GRIK4: variants seen among roughly 807,000 people sequenced by gnomAD.
The protein encoded by GRIK4 is glutamate receptor ionotropic, kainate 4.
Under a neutral mutation model 104.9 loss-of-function variants are expected in GRIK4, and 40 were observed. That is an observed-to-expected ratio of 0.38 (90% CI 0.30 to 0.50). The LOEUF (loss-of-function observed/expected upper bound fraction) is 0.50, where lower values mean the gene tolerates loss of function less well. Ranked by LOEUF, GRIK4 falls within the 20% of genes least tolerant of loss-of-function variation. The pLI is 0.93. For missense variants in GRIK4, 1,047 were observed against 1,308.1 expected, an observed-to-expected ratio of 0.80 and a Z score of 3.08; for synonymous variants, 485 against 524.9, an observed-to-expected ratio of 0.92 and a Z score of 1.04.
In GRIK4 at chr11:120,905,183, T is replaced by C. The variant is rs1942838456; in HGVS notation, c.1273-107T>C. ...CCATTACCCACGTCAGTTTCCTCCT[T>C]CTGCCCCATGTCCTCCCCGACCCTC... On this transcript the variant is annotated intron_variant, in intron 12 of 20. Coordinates refer to ENST00000527524, the MANE Select transcript of GRIK4 (RefSeq NM_014619.5). This position sits in a 1 kb window ranked among gnomAD's most constrained non-coding sequence, Gnocchi z 5.1. 3 of 803,412 alleles carry C rather than the reference T, an allele frequency of 3.7e-6. No individual in the cohort carries two copies. The highest frequency in any genetic ancestry group is 1.7e-5 in the Admixed American group (1 of 57,884). 49.8% of individuals were successfully genotyped at this position (803,412 alleles called of 1,614,324 possible). A position where few individuals can be genotyped will look rare whatever the true frequency, so the allele number is the denominator to read the frequency against.
intron 1 of GRIK4, among the ~76,000 whole-genome samples, chr11:120,570,796 C>T (rs1237688914): frequency 1.3e-5 from 2 of 152,172 alleles, no homozygotes; most frequent in African/African-American, 4.8e-5. Flanking sequence ...CTTATACTAC[C>T]ATCCCATCTG....
At chr11:120,681,757 C>T (rs368783949) in intron 3 of GRIK4, among the ~76,000 whole-genome samples, 2 of 152,208 alleles carry the variant, frequency 1.3e-5, no homozygotes, top group East Asian at 1.9e-4. Flanking sequence ...AGGCTGGGAA[C>T]AGGCAGGAAG....
intron 8 of GRIK4, among the ~76,000 whole-genome samples, chr11:120,845,960 C>T (rs552644811): frequency 4.3e-4 from 66 of 152,318 alleles, no homozygotes; most frequent in African/African-American, 1.0e-3. Context: ...GCAGGTCTGG[C>T]GGTGACAGAT....
intron 8 of GRIK4, among the ~76,000 whole-genome samples, chr11:120,856,570 G>A (rs534605354): frequency 1.3e-5 from 2 of 152,196 alleles, no homozygotes; most frequent in Non-Finnish European, 2.9e-5. Flanking sequence ...TAAGAAATAA[G>A]GGAGTTGAGG....
intron 3 of GRIK4, among the ~76,000 whole-genome samples, chr11:120,734,202 G>A (rs534851942): frequency 3.1e-5 from 2 of 65,336 alleles, no homozygotes; most frequent in African/African-American, 6.2e-5. Context: ...ACTACCTTTA[G>A]CATTTTTTTG....
chr11:120,698,098 C>G (rs1207419435), intron 3 of GRIK4, among the ~76,000 whole-genome samples: 3 of 152,100 alleles, frequency 2.0e-5, no homozygotes, highest in Non-Finnish European at 2.9e-5. Flanking sequence ...CCACTCAACC[C>G]TGTCCATTTT....
intron 3 of GRIK4, among the ~76,000 whole-genome samples, chr11:120,791,849 C>T (rs1352212915): frequency 6.6e-6 from 1 of 152,138 alleles, no homozygotes; most frequent in Non-Finnish European, 1.5e-5. Context: ...TTTTTCCCCA[C>T]TGTACCTTTG....
intron 1 of GRIK4, among the ~76,000 whole-genome samples, chr11:120,646,101 C>T (rs1367719176): frequency 6.6e-6 from 1 of 152,208 alleles, no homozygotes; most frequent in Non-Finnish European, 1.5e-5. Context: ...TCACAAAGTA[C>T]TCAAAATCAT....
intron 9 of GRIK4, among the ~76,000 whole-genome samples, chr11:120,863,501 C>T (rs1365196308): frequency 6.6e-6 from 1 of 152,216 alleles, no homozygotes. Context: ...TTAAGCAACA[C>T]ATGACTGTAG....
At position 120,986,695 on chromosome 11, in the gene GRIK4, T is replaced by C. The variant is rs954446917; in HGVS notation, c.*435T>C. ...AAAAAAAATTAAACAGGGAAGTTTT[T>C]CTTTTCTGGATTTGTATATTTTTGT... is the stretch of plus-strand genomic sequence containing the variant. On this transcript the variant is annotated 3_prime_UTR_variant, in exon 21 of 21. Coordinates refer to ENST00000527524, the MANE Select transcript of GRIK4 (RefSeq NM_014619.5). The C allele has an allele frequency of 1.3e-5, 2 of 156,114 alleles. No individual in the cohort carries two copies. Among genetic ancestry groups the C allele is most frequent in the African/African-American group, 4.8e-5 (2 of 41,600 alleles). 9.7% of individuals were successfully genotyped at this position (156,114 alleles called of 1,614,324 possible). A position where few individuals can be genotyped will look rare whatever the true frequency, so the allele number is the denominator to read the frequency against.
At chr11:120,561,169 G>C (rs1377121105) in intron 1 of GRIK4, among the ~76,000 whole-genome samples, 5 of 151,808 alleles carry the variant, frequency 3.3e-5, no homozygotes, top group Non-Finnish European at 7.4e-5. Context: ...GTGGTCTCTG[G>C]GTAAGGAGGG....
At chr11:120,529,641 T>C (rs1399480503) in intron 1 of GRIK4, among the ~76,000 whole-genome samples, 1 of 152,234 alleles carries the variant, frequency 6.6e-6, no homozygotes, top group Non-Finnish European at 1.5e-5. Flanking sequence ...TATCCTTCTG[T>C]GAAACAAGGT....
At chr11:120,712,078 C>T (rs1950744488) in intron 3 of GRIK4, among the ~76,000 whole-genome samples, 1 of 152,250 alleles carries the variant, frequency 6.6e-6, no homozygotes, top group South Asian at 2.1e-4. Flanking sequence ...TTACACCCAG[C>T]AGGGAAATTA....
At chr11:120,618,138 A>G (rs1343085413) in intron 1 of GRIK4, among the ~76,000 whole-genome samples, 1 of 152,106 alleles carries the variant, frequency 6.6e-6, no homozygotes, top group African/African-American at 2.4e-5. Flanking sequence ...TGGAGATGAG[A>G]AACTTATTGG....
chr11:120,730,349 C>A (rs1212602993), intron 3 of GRIK4, among the ~76,000 whole-genome samples: 1 of 151,982 alleles, frequency 6.6e-6, no homozygotes, highest in Non-Finnish European at 1.5e-5. Flanking sequence ...CAAAGTGAGA[C>A]CCTGTCTCAA....
chr11:120,812,976 C>T (rs555721861), intron 4 of GRIK4, among the ~76,000 whole-genome samples: 301 of 152,220 alleles, frequency 2.0e-3, no homozygotes, highest in African/African-American at 6.9e-3. Context: ...CCAGATTGCA[C>T]GGTGTTAGGA....
chr11:120,891,703 G>A (rs1955301870), intron 11 of GRIK4, among the ~76,000 whole-genome samples: 1 of 152,168 alleles, frequency 6.6e-6, no homozygotes, highest in African/African-American at 2.4e-5. Context: ...TTATTATCTA[G>A]TAAGAAAGAT....
chr11:120,897,601 C>CACAAAAAAAAAAAA (rs1942617819), intron 11 of GRIK4, among the ~76,000 whole-genome samples: 1 of 13,066 alleles, frequency 7.7e-5, no homozygotes, highest in African/African-American at 1.8e-4. Flanking sequence ...GACTCCTTCT[C>CACAAAAAAAAAAAA]AAAAAAAAAA....
At chr11:120,570,941 G>A (rs1262150902) in intron 1 of GRIK4, among the ~76,000 whole-genome samples, 2 of 152,104 alleles carry the variant, frequency 1.3e-5, no homozygotes, top group African/African-American at 4.8e-5. Context: ...TCTGAAGTTG[G>A]TAACTGCCTT....
Sources: gnomAD v4.1 joint callset for allele counts (sites outside exome capture counted in the v4.1 genomes callset) on GRCh38, gnomAD v4.1.1 for gene constraint, Gnocchi (gnomAD v3.1) non-coding constraint, MANE v1.5 for transcripts, NCBI Gene and HGNC (gene_info 2026-07-23, HGNC 2026-07-21) for gene names.